Variants in GPHN observed in about 807,000 individuals in gnomAD.
The protein encoded by GPHN is gephyrin.
GPHN carries 17 observed loss-of-function variants against 95.5 expected under a neutral mutation model. That is an observed-to-expected ratio of 0.18 (90% CI 0.12 to 0.27). The LOEUF (loss-of-function observed/expected upper bound fraction) is 0.27. GPHN is among the 10% of genes least tolerant of loss of function. The pLI is 1.00. For synonymous variants in GPHN, 320 were observed against 322.5 expected, an observed-to-expected ratio of 0.99 and a Z score of 0.08; for missense variants, 660 against 978.1, an observed-to-expected ratio of 0.67 and a Z score of 4.34.
At chr14:66,689,463 G>T (rs8021356) in intron 2 of GPHN, among the ~76,000 whole-genome samples, 49,883 of 151,934 alleles carry the variant, frequency 0.33, 12,014 homozygotes, top group African/African-American at 0.66. Flanking sequence ...GCTAGTATGT[G>T]GTTGGTAATT....
chr14:67,631,430 C>CTT, the GPHN span, among the ~76,000 whole-genome samples: 1,443 of 128,200 alleles, frequency 0.011, 62 homozygotes, highest in South Asian at 0.044. Context: ...TCCTTTCTTT[C>CTT]TTTCTTTTTT....
At chr14:67,115,811 C>G (rs985526899) in intron 16 of GPHN, among the ~76,000 whole-genome samples, 2 of 151,268 alleles carry the variant, frequency 1.3e-5, no homozygotes, top group African/African-American at 2.5e-5. Flanking sequence ...GTAAGCAGGA[C>G]AGTTGCCTTG....
chr14:66,607,429 T>A (rs899974315), intron 1 of GPHN, among the ~76,000 whole-genome samples: 3 of 151,968 alleles, frequency 2.0e-5, no homozygotes, highest in African/African-American at 7.2e-5. Flanking sequence ...TGTGTTTGTG[T>A]TCATTTGGGA....
chr14:66,955,365 C>G (rs1173305886), intron 8 of GPHN, among the ~76,000 whole-genome samples: 14 of 152,014 alleles, frequency 9.2e-5, no homozygotes, highest in Non-Finnish European at 4.4e-5. Flanking sequence ...TCTGTTTTAT[C>G]TAGGTCATGC....
At chr14:67,135,494 G>A (rs989187114) in intron 17 of GPHN, among the ~76,000 whole-genome samples, 3 of 152,194 alleles carry the variant, frequency 2.0e-5, no homozygotes, top group African/African-American at 7.2e-5. Flanking sequence ...TGTATGGCTT[G>A]AAGAGATATG....
chr14:67,193,954 C>CAAAAAAAAAAAAAAAAAAAAAAAA, the GPHN span, among the ~76,000 whole-genome samples: 2 of 85,758 alleles, frequency 2.3e-5, no homozygotes, highest in African/African-American at 8.3e-5. Flanking sequence ...CAAAAAAAAA[C>CAAAAAAAAAAAAAAAAAAAAAAAA]AAAAAAAAAA....
the GPHN span, among the ~76,000 whole-genome samples, chr14:67,519,654 G>A: frequency 6.6e-6 from 1 of 151,968 alleles, no homozygotes. Context: ...CGAAAGTCCA[G>A]GACAAGGGGA....
At chr14:66,762,706 C>T (rs774485212) in intron 2 of GPHN, among the ~76,000 whole-genome samples, 36 of 152,110 alleles carry the variant, frequency 2.4e-4, no homozygotes, top group Non-Finnish European at 3.8e-4. Flanking sequence ...AACACAATGC[C>T]TATTAGAAAT....
chr14:67,697,535 T>TTA, the GPHN span, among the ~76,000 whole-genome samples: 30 of 152,026 alleles, frequency 2.0e-4, no homozygotes, highest in Admixed American at 3.3e-4. Flanking sequence ...TCCCAATGAT[T>TTA]TATATATATA....
intron 17 of GPHN, among the ~76,000 whole-genome samples, chr14:67,136,499 A>C (rs926925644): frequency 6.6e-6 from 1 of 152,220 alleles, no homozygotes; most frequent in Non-Finnish European, 1.5e-5. Context: ...ACCTAAAAAA[A>C]TTTATAGCTT....
the GPHN span, among the ~76,000 whole-genome samples, chr14:67,699,589 C>CAAAAAAAAAAAAAAA: frequency 5.9e-5 from 3 of 50,804 alleles, no homozygotes; most frequent in African/African-American, 2.4e-4. Flanking sequence ...GACCCTATCT[C>CAAAAAAAAAAAAAAA]AAAAAAAAAA....
At chr14:67,301,515 T>C in the GPHN span, 1 of 1,400,600 alleles carries the variant, frequency 7.1e-7, no homozygotes, top group South Asian at 1.3e-5. Context: ...AGCATTCTTC[T>C]ATTTTTTTAA....
chr14:67,501,678 C>T, the GPHN span, among the ~76,000 whole-genome samples: 1 of 152,228 alleles, frequency 6.6e-6, no homozygotes, highest in Non-Finnish European at 1.5e-5. Flanking sequence ...AAGACCTGTC[C>T]TGCTCCAGTG....
At chr14:66,984,618 C>T (rs1399495454) in intron 9 of GPHN, among the ~76,000 whole-genome samples, 1 of 152,148 alleles carries the variant, frequency 6.6e-6, no homozygotes, top group Non-Finnish European at 1.5e-5. Context: ...CAATATATAT[C>T]CTGCTTCCAG....
chr14:67,351,774 G>A, the GPHN span, among the ~76,000 whole-genome samples: 1 of 151,594 alleles, frequency 6.6e-6, no homozygotes, highest in Admixed American at 6.6e-5. Context: ...TCCCACCTCG[G>A]CCTCCCAAAG....
At chr14:67,618,251 G>A in the GPHN span, among the ~76,000 whole-genome samples, 98 of 152,224 alleles carry the variant, frequency 6.4e-4, 1 homozygote, top group African/African-American at 1.9e-3. Flanking sequence ...ATAGGTTACC[G>A]GTGCCCTACC....
chr14:66,595,871 C>G (rs1255271690), intron 1 of GPHN, among the ~76,000 whole-genome samples: 2 of 152,194 alleles, frequency 1.3e-5, no homozygotes, highest in Non-Finnish European at 1.5e-5. Flanking sequence ...TCGTGCCGTT[C>G]CGCAGGTCCT....
chr14:67,104,261 C>T (rs1220782717), intron 13 of GPHN, among the ~76,000 whole-genome samples: 1 of 152,152 alleles, frequency 6.6e-6, no homozygotes, highest in Non-Finnish European at 1.5e-5. Flanking sequence ...CTGCTGGATT[C>T]AGTTGCAAGT....
At chr14:66,809,328 A>G (rs79754183) in intron 3 of GPHN, among the ~76,000 whole-genome samples, 1,704 of 152,200 alleles carry the variant, frequency 0.011, 25 homozygotes, top group African/African-American at 0.038. Flanking sequence ...TTGTGACCTT[A>G]TGTGTATCTT....
Sources: gnomAD v4.1 joint callset for allele counts (sites outside exome capture counted in the v4.1 genomes callset) on GRCh38, gnomAD v4.1.1 for gene constraint, MANE v1.5 for transcripts, NCBI Gene and HGNC (gene_info 2026-07-23, HGNC 2026-07-21) for gene names.